ZNF680: variants seen among roughly 807,000 people sequenced by gnomAD.
The protein encoded by ZNF680 is hypothetical protein FLJ90430.
ZNF680 carries 6 observed loss-of-function variants against 12.1 expected under a neutral mutation model. The ratio of observed to expected loss-of-function variants is 0.49; its 90% CI spans 0.27 to 0.98. The LOEUF is 0.98. ZNF680 is among the 50% of genes least tolerant of loss of function. The probability of loss-of-function intolerance (pLI) is 0.12; values close to 1 mark genes in which losing one functional copy is unlikely to be tolerated. For synonymous variants in ZNF680, 170 were observed against 199.3 expected (o/e 0.85, Z 1.24); for missense variants, 561 against 616.3 (o/e 0.91, Z 0.95).
chr7:64,539,376 G>GAAAAAAAA (rs1233424872), intron 3 of ZNF680, among the ~76,000 whole-genome samples: 1 of 72,050 alleles, frequency 1.4e-5, no homozygotes, highest in Non-Finnish European at 2.5e-5. Flanking sequence ...AAAAAAAAAA[G>GAAAAAAAA]AAAAGAAAAT....
In ZNF680 at chr7:64,521,327, G is replaced by C; in HGVS notation, c.1427C>G (p.Thr476Ser). ...ATGAATTCTCTTATGATTAGCAAGA[G>C]TTGCAGGCCAGTTAAAAACATTGCC... ...ECGNVFNWPA[T>S]LANHKRIHAR... is the part of the protein sequence containing the mutation. Residue 476 changes from threonine (T) to serine (S), a missense_variant, in exon 4 of 4, where the codon ACT becomes AGT. Thr to Ser is a moderately conservative substitution (Grantham distance 58). Transcript: ENST00000309683. 6.2e-7 allele frequency: 1 copy of C among 1,611,318 alleles called. No homozygotes were observed. The highest frequency in any genetic ancestry group is 2.2e-5 in the East Asian group (1 of 44,638).
Position 64,521,479 on chromosome 7 carries a change from C to T in ZNF680, c.1275G>A (p.Lys425=). ...FNGCSSLTRH[K]RIHTRENTYK... ...AGGTATTCTCTCTAGTGTGAATTCT[C>T]TTATGTCGAGTAAGGCTGGAGCACC... The change falls in exon 4 of 4, where the codon AAG becomes AAA. Residue 425 remains lysine (K), a synonymous_variant. Transcript: ENST00000309683. 2 of 1,613,448 alleles carry T rather than the reference C, an allele frequency of 1.2e-6. No homozygotes were observed. Among genetic ancestry groups the T allele is most frequent in the South Asian group, 2.2e-5 (2 of 91,068 alleles).
At chr7:64,511,178 G>A in the ZNF680 span, among the ~76,000 whole-genome samples, 1,189 of 152,036 alleles carry the variant, frequency 7.8e-3, 7 homozygotes, top group Non-Finnish European at 0.012. Flanking sequence ...GCTAAGGCAG[G>A]AGAATTGCTG....
At chr7:64,526,237 GGCTAAGA>G in intron 3 of ZNF680, 1 of 1,092,502 alleles carries the variant, frequency 9.2e-7, no homozygotes, top group African/African-American at 1.6e-5. Context: ...AGATGAAAAA[GGCTAAGA>G]ACTTCCCAAA....
At chr7:64,548,242 T>C (rs1786883765) in intron 1 of ZNF680, among the ~76,000 whole-genome samples, 1 of 152,224 alleles carries the variant, frequency 6.6e-6, no homozygotes, top group African/African-American at 2.4e-5. Context: ...TATTAGGACA[T>C]AAATATGTAT....
rs17856885 is a variant in ZNF680, at chr7:64,521,765, T to G, written c.989A>C (p.Asp330Ala). Reference protein sequence around the residue: ...KPFKCEECGKDFNQFSNLTKH... With the variant: ...KPFKCEECGKAFNQFSNLTKH... ...AGTAAGGTTTGAAAACTGGTTAAAG[T>G]CTTTGCCACATTCTTCACATTTGAA... Residue 330 changes from aspartate to alanine, a missense_variant, in exon 4 of 4, where the codon GAC (aspartate) becomes GCC (alanine). By Grantham distance (126) the Asp-to-Ala change is moderately radical. Coordinates refer to ENST00000309683, the MANE Select transcript of ZNF680 (RefSeq NM_178558.5). 1 of 1,610,136 alleles carries G rather than the reference T, an allele frequency of 6.2e-7. No homozygotes were observed. The highest frequency in any genetic ancestry group is 2.2e-5 in the East Asian group (1 of 44,632).
At position 64,522,262 on chromosome 7, in the gene ZNF680, A is replaced by C. The variant is rs1791585871; in HGVS notation, c.492T>G (p.His164Gln). The C allele has an allele frequency of 6.2e-7, 1 of 1,612,956 alleles. No homozygotes were observed. The highest frequency in any genetic ancestry group is 8.5e-7 in the Non-Finnish European group (1 of 1,179,400). Reference sequence around the variant, plus strand: ...TATGACTGTTTGAATTTGAAAATTTATGAAAGACTTTCACGTATTTATCAC... The same window carrying C: ...TATGACTGTTTGAATTTGAAAATTTCTGAAAGACTTTCACGTATTTATCAC... ...FQCDKYVKVF[H>Q]KFSNSNSHKK... The change falls in exon 4 of 4, where the codon CAT (histidine) becomes CAG (glutamine). Residue 164 changes from histidine to glutamine, a missense_variant. Physicochemically the swap from His to Gln is conservative, Grantham distance 24. Coordinates refer to ENST00000309683, the MANE Select transcript of ZNF680 (RefSeq NM_178558.5).
In ZNF680 at chr7:64,521,127, C is replaced by T; in HGVS notation, c.*34G>A. The stretch of plus-strand genomic sequence containing the variant: ...AATTCTTCACATTTTTAGGGTTTCT[C>T]AACAGGATGGTGTCTTTTATGTTTA... On this transcript the variant is annotated 3_prime_UTR_variant, in exon 4 of 4. Transcript: ENST00000309683. 6.4e-7 allele frequency: 1 copy of T among 1,554,214 alleles called. No individual in the cohort carries two copies. The highest frequency in any genetic ancestry group is 2.3e-5 in the East Asian group (1 of 44,410).
chr7:64,534,309 C>T (rs1485543210), intron 3 of ZNF680, among the ~76,000 whole-genome samples: 1 of 151,904 alleles, frequency 6.6e-6, no homozygotes, highest in African/African-American at 2.4e-5. Context: ...GAACTCAAAT[C>T]AGCAAGAAAA....
At chr7:64,519,327 A>C (rs1371754988), downstream of ZNF680, among the ~76,000 whole-genome samples, 1 of 151,968 alleles carries the variant, frequency 6.6e-6, no homozygotes, top group African/African-American at 2.4e-5. Flanking sequence ...ATAATTAAAA[A>C]ATAAAAAAAT....
intron 3 of ZNF680, chr7:64,526,380 C>A: frequency 7.1e-7 from 1 of 1,404,204 alleles, no homozygotes; most frequent in Non-Finnish European, 9.3e-7. Flanking sequence ...TTATGACTAG[C>A]ACAGTTCTAC....
the ZNF680 span, chr7:64,500,964 C>T: frequency 9.1e-6 from 6 of 658,780 alleles, no homozygotes; most frequent in South Asian, 4.4e-5. Flanking sequence ...GTGGGTTGCT[C>T]AGTTCATAAG....
At chr7:64,554,013 T>G (rs554143757) in intron 1 of ZNF680, among the ~76,000 whole-genome samples, 1 of 151,628 alleles carries the variant, frequency 6.6e-6, no homozygotes, top group Non-Finnish European at 1.5e-5. Flanking sequence ...CCACCCCGTC[T>G]AGGAAGTGAG....
intron 1 of ZNF680, among the ~76,000 whole-genome samples, chr7:64,552,712 T>G (rs1471292506): frequency 6.6e-6 from 1 of 152,236 alleles, no homozygotes; most frequent in Non-Finnish European, 1.5e-5. Context: ...TAACCATAAT[T>G]CAGTTAAAAC....
chr7:64,544,542 A>G (rs538842961), intron 1 of ZNF680, 110 bp from the exon 2 acceptor site: 6 of 1,475,682 alleles, frequency 4.1e-6, no homozygotes, highest in African/African-American at 2.8e-5. Flanking sequence ...CAGTATAGAA[A>G]ACTGATTCTG....
the ZNF680 span, among the ~76,000 whole-genome samples, chr7:64,505,226 T>C: frequency 6.6e-6 from 1 of 152,272 alleles, no homozygotes; most frequent in African/African-American, 2.4e-5. Flanking sequence ...ATTAATTTTA[T>C]TCTACTTCAA....
intron 3 of ZNF680, among the ~76,000 whole-genome samples, chr7:64,524,223 C>T (rs546756561): frequency 4.0e-5 from 6 of 150,422 alleles, no homozygotes; most frequent in Admixed American, 3.3e-4. Context: ...TGTCAGCTCA[C>T]TGCAACCTCT....
chr7:64,553,378 T>A (rs941857401), intron 1 of ZNF680, among the ~76,000 whole-genome samples: 2 of 151,960 alleles, frequency 1.3e-5, no homozygotes, highest in African/African-American at 4.8e-5. Flanking sequence ...ATAGCCTTAA[T>A]AGCCTTCCTT....
chr7:64,515,954 A>G (rs1791346023), downstream of ZNF680, among the ~76,000 whole-genome samples: 1 of 151,824 alleles, frequency 6.6e-6, no homozygotes, highest in Non-Finnish European at 1.5e-5. Context: ...AGCAGCATCT[A>G]TATATCATCA....
Sources: gnomAD v4.1 joint callset for allele counts (sites outside exome capture counted in the v4.1 genomes callset) on GRCh38, gnomAD v4.1.1 for gene constraint, MANE v1.5 for transcripts, NCBI Gene and HGNC (gene_info 2026-07-23, HGNC 2026-07-21) for gene names.